The following TASP1 variants were observed in gnomAD, a reference collection of about 807,000 sequenced individuals.
TASP1 encodes the protein threonine aspartase 1.
TASP1 carries 16 observed loss-of-function variants against 56.6 expected under a neutral mutation model. That is an observed-to-expected ratio of 0.28 (90% CI 0.19 to 0.43). The LOEUF (loss-of-function observed/expected upper bound fraction) is 0.43, where lower values mean the gene tolerates loss of function less well. Among genes scored for constraint, TASP1 ranks in the 20% least tolerant of loss-of-function variants. The pLI is 1.00. For missense variants in TASP1, 393 were observed against 511.6 expected (o/e 0.77, Z 2.24); for synonymous variants, 179 against 184.2 (o/e 0.97, Z 0.23).
chr20:13,514,822 G>A (rs1046074161), intron 10 of TASP1, among the ~76,000 whole-genome samples: 6 of 152,100 alleles, frequency 3.9e-5, no homozygotes, highest in Non-Finnish European at 7.4e-5. Flanking sequence ...AAAATGTAAG[G>A]TATCTTTAAT....
At chr20:13,217,215 A>T in the TASP1 span, among the ~76,000 whole-genome samples, 1 of 152,240 alleles carries the variant, frequency 6.6e-6, no homozygotes, top group Non-Finnish European at 1.5e-5. Flanking sequence ...GCTTAAAATA[A>T]TCTGAAACGG....
At chr20:13,166,912 A>C in the TASP1 span, 1 of 152,272 alleles carries the variant, frequency 6.6e-6, no homozygotes, top group East Asian at 1.9e-4. Flanking sequence ...CTACTTACCT[A>C]CCCAGCATGG....
At chr20:13,247,517 G>GGGGTGTGTGT in the TASP1 span, among the ~76,000 whole-genome samples, 12 of 139,806 alleles carry the variant, frequency 8.6e-5, no homozygotes, top group African/African-American at 3.0e-4. Context: ...CAAAGTGAGG[G>GGGGTGTGTGT]GTGTGTGTGT....
intron 4 of TASP1, among the ~76,000 whole-genome samples, chr20:13,603,188 A>C (rs1343678126): frequency 6.6e-6 from 1 of 150,650 alleles, no homozygotes; most frequent in Non-Finnish European, 1.5e-5. Flanking sequence ...CTGAGATCAC[A>C]CCACTGCACT....
chr20:13,351,274 C>G, the TASP1 span, among the ~76,000 whole-genome samples: 8 of 152,206 alleles, frequency 5.3e-5, no homozygotes, highest in Admixed American at 5.2e-4. Flanking sequence ...TTGGAACTTT[C>G]TTAATTAATT....
the TASP1 span, among the ~76,000 whole-genome samples, chr20:13,205,298 T>C: frequency 2.6e-5 from 4 of 152,144 alleles, no homozygotes; most frequent in African/African-American, 4.8e-5. Flanking sequence ...AAGTGGTGGA[T>C]CTTTTGCCCG....
chr20:13,522,458 G>C (rs995470949), intron 10 of TASP1, among the ~76,000 whole-genome samples: 2 of 152,130 alleles, frequency 1.3e-5, no homozygotes, highest in Non-Finnish European at 2.9e-5. Context: ...AACAAAGTTT[G>C]TTGGTGAATT....
the TASP1 span, among the ~76,000 whole-genome samples, chr20:13,219,407 C>G: frequency 1.3e-5 from 2 of 152,096 alleles, no homozygotes; most frequent in Admixed American, 1.3e-4. Flanking sequence ...CCTCTTTGAT[C>G]TCCCATCTGA....
chr20:13,375,310 ACCTAT>A, the TASP1 span, among the ~76,000 whole-genome samples: 3 of 139,658 alleles, frequency 2.1e-5, no homozygotes, highest in Non-Finnish European at 4.5e-5. Flanking sequence ...TTCAACTCCC[ACCTAT>A]ACATGAGAAA....
intron 2 of TASP1, among the ~76,000 whole-genome samples, chr20:13,626,545 C>A (rs1189906025): frequency 6.6e-6 from 1 of 152,212 alleles, no homozygotes; most frequent in Non-Finnish European, 1.5e-5. Context: ...ACCTAACCTA[C>A]CTTTCCTCAA....
intron 12 of TASP1, among the ~76,000 whole-genome samples, chr20:13,428,688 C>G (rs2146140190): frequency 6.6e-6 from 1 of 152,226 alleles, no homozygotes; most frequent in East Asian, 1.9e-4. Context: ...CCAAATTGTC[C>G]CTTTACAAGG....
intron 8 of TASP1, among the ~76,000 whole-genome samples, chr20:13,557,835 T>C (rs972825832): frequency 2.0e-5 from 3 of 152,016 alleles, no homozygotes; most frequent in African/African-American, 7.2e-5. Flanking sequence ...CCTCCCAAAG[T>C]ACTGTGATTT....
chr20:13,275,966 G>T, the TASP1 span, among the ~76,000 whole-genome samples: 1 of 152,216 alleles, frequency 6.6e-6, no homozygotes, highest in East Asian at 1.9e-4. Flanking sequence ...CGTGCTGCAA[G>T]TCTCAAAGCA....
intron 12 of TASP1, among the ~76,000 whole-genome samples, chr20:13,430,163 T>C (rs185862459): frequency 6.6e-6 from 1 of 152,288 alleles, no homozygotes. Context: ...AACAGCTGCC[T>C]AAAGATGGCA....
At chr20:13,483,408 G>GGGTGTTCTAATGCTATTGA in intron 10 of TASP1, 71 bp from the exon 11 acceptor site, 1 of 1,025,804 alleles carries the variant, frequency 9.7e-7, no homozygotes, top group Non-Finnish European at 1.4e-6. Flanking sequence ...AATAGCATTA[G>GGGTGTTCTAATGCTATTGA]AACACCCTTA....
At chr20:13,281,965 A>C in the TASP1 span, among the ~76,000 whole-genome samples, 1 of 152,172 alleles carries the variant, frequency 6.6e-6, no homozygotes, top group African/African-American at 2.4e-5. Context: ...AACCAGCACC[A>C]CTAGCATCAC....
intron 13 of TASP1, among the ~76,000 whole-genome samples, chr20:13,394,598 C>T (rs532395508): frequency 8.6e-5 from 13 of 150,564 alleles, no homozygotes; most frequent in African/African-American, 1.7e-4. Flanking sequence ...GGCGACAGAG[C>T]GAGACTCTAT....
intron 7 of TASP1, among the ~76,000 whole-genome samples, chr20:13,560,447 A>T (rs1253232173): frequency 6.6e-6 from 1 of 152,160 alleles, no homozygotes; most frequent in Non-Finnish European, 1.5e-5. Context: ...CATTAAGAGT[A>T]CAGAGTTTTA....
chr20:13,619,477 T>C (rs764892962), intron 4 of TASP1, among the ~76,000 whole-genome samples: 7 of 152,310 alleles, frequency 4.6e-5, no homozygotes, highest in Non-Finnish European at 8.8e-5. Context: ...AATAGTTCAT[T>C]TTCTATCAGA....
Sources: gnomAD v4.1 joint callset for allele counts (sites outside exome capture counted in the v4.1 genomes callset) on GRCh38, gnomAD v4.1.1 for gene constraint, MANE v1.5 for transcripts, NCBI Gene and HGNC (gene_info 2026-07-23, HGNC 2026-07-21) for gene names.